GNAO1: variants seen among roughly 807,000 people sequenced by gnomAD.
The protein encoded by GNAO1 is guanine nucleotide-binding protein G(o) subunit alpha.
For missense variants in GNAO1, 166 were observed against 478.7 expected (o/e 0.35, Z 6.10); for synonymous variants, 164 against 180.7 (o/e 0.91, Z 0.74).
chr16:56,332,320 G>A (rs538467802), intron 4 of GNAO1, among the ~76,000 whole-genome samples: 2 of 152,134 alleles, frequency 1.3e-5, no homozygotes, highest in African/African-American at 4.8e-5. Context: ...GCCCCTCCAC[G>A]TGTGCTTCCT....
chr16:56,275,934 C>T lies in GNAO1; in HGVS notation c.165C>T (p.Ile55=). The T allele has an allele frequency of 1.2e-6, 2 of 1,612,342 alleles. No homozygotes were observed. Among genetic ancestry groups the T allele is most frequent in the Non-Finnish European group, 1.7e-6 (2 of 1,179,056 alleles). The change falls in exon 3 of 9, where the codon ATC becomes ATT. Residue 55 remains isoleucine (I), a synonymous_variant. Coordinates refer to ENST00000262493, the MANE Select transcript of GNAO1 (RefSeq NM_020988.3). ...GGTGTGTGTGGTTTTTCTCTAGGAT[C>T]ATCCATGAAGATGGCTTCTCCGGAG... ...GKSTIVKQMK[I]IHEDGFSGED... is the part of the protein sequence containing the mutation.
rs1335342746 is a variant in GNAO1 at position 56,214,766 on chromosome 16, C to T, written c.161+22150C>T. The stretch of plus-strand genomic sequence containing the variant: ...CTGTCCCTCTGTCCCAACCCCAAGC[C>T]TGTGAGCTGTCCACAATTCTCACTT... On this transcript the variant is annotated intron_variant, in intron 2 of 8. Transcript: ENST00000262493. Among the ~76,000 whole-genome samples, 5 of 152,364 alleles carry T rather than the reference C, an allele frequency of 3.3e-5. No homozygotes were observed. The East Asian group carries it at 9.6e-4, about 29-fold the overall frequency.
At chr16:56,288,484 G>A (rs1226245150) in intron 3 of GNAO1, among the ~76,000 whole-genome samples, 1 of 152,198 alleles carries the variant, frequency 6.6e-6, no homozygotes, top group Non-Finnish European at 1.5e-5. Context: ...TTGGGCTCCT[G>A]GCTGTAGAAG....
chr16:56,331,328 G>A (rs1445768124), intron 4 of GNAO1, among the ~76,000 whole-genome samples: 1 of 152,206 alleles, frequency 6.6e-6, no homozygotes, highest in Non-Finnish European at 1.5e-5. Context: ...GGCTGTGAAA[G>A]GTGCTCTGGG....
At chr16:56,218,131 G>A (rs2036451931) in intron 2 of GNAO1, among the ~76,000 whole-genome samples, 1 of 152,204 alleles carries the variant, frequency 6.6e-6, no homozygotes, top group Admixed American at 6.5e-5. Flanking sequence ...GCTGTGCCTA[G>A]CCCCAGGTGG....
At chr16:56,222,475 A>G (rs1285951035) in intron 2 of GNAO1, among the ~76,000 whole-genome samples, 2 of 152,184 alleles carry the variant, frequency 1.3e-5, no homozygotes, top group Non-Finnish European at 2.9e-5. Context: ...ACATGATGTG[A>G]TAACCTAGAT....
chr16:56,298,520 A>G (rs1302317717), intron 3 of GNAO1, among the ~76,000 whole-genome samples: 2 of 152,206 alleles, frequency 1.3e-5, no homozygotes, highest in African/African-American at 4.8e-5. Context: ...TAATAGTGAT[A>G]TGCTTATTTT....
At chr16:56,199,385 G>A (rs2036261887) in intron 2 of GNAO1, among the ~76,000 whole-genome samples, 1 of 152,170 alleles carries the variant, frequency 6.6e-6, no homozygotes, top group Non-Finnish European at 1.5e-5. Flanking sequence ...GATGTTTCTG[G>A]GAGGAGAGAG....
chr16:56,313,838 C>T (rs570237363), intron 3 of GNAO1, among the ~76,000 whole-genome samples: 1 of 152,320 alleles, frequency 6.6e-6, no homozygotes, highest in East Asian at 1.9e-4. Context: ...CCTCCCACCT[C>T]AGCCTCCCCA....
chr16:56,231,400 T>TTAA (rs1272644808), intron 2 of GNAO1, among the ~76,000 whole-genome samples: 15 of 152,244 alleles, frequency 9.9e-5, no homozygotes, highest in African/African-American at 3.6e-4. Flanking sequence ...CACGCTCTGC[T>TTAA]TAATTCTTCA....
chr16:56,269,943 C>T (rs1045247291), intron 2 of GNAO1, among the ~76,000 whole-genome samples: 1 of 152,176 alleles, frequency 6.6e-6, no homozygotes, highest in South Asian at 2.1e-4. Context: ...ATAAGGCCAG[C>T]ATGCCTGGGG....
At position 56,342,121 on chromosome 16, in the gene GNAO1, T is replaced by C. The variant is rs181100078; in HGVS notation, c.723+5261T>C. On this transcript the variant is annotated intron_variant, in intron 6 of 8. Coordinates refer to ENST00000262493, the MANE Select transcript of GNAO1 (RefSeq NM_020988.3). The stretch of plus-strand genomic sequence containing the variant: ...AGCCAGCTTCCTCTCTAGCCATAGT[T>C]GAGGGCCTGTGGATCCTGCCCTAGT... Among the ~76,000 whole-genome samples the C allele has an allele frequency of 3.8e-4, 58 of 152,296 alleles. 1 individual carries two copies. In the East Asian group the frequency reaches 9.9e-3, roughly 26 times the overall value.
At chr16:56,290,219 G>C (rs1337432681) in intron 3 of GNAO1, among the ~76,000 whole-genome samples, 1 of 152,128 alleles carries the variant, frequency 6.6e-6, no homozygotes, top group Admixed American at 6.5e-5. Flanking sequence ...TCTCCGAATA[G>C]GCTGGGCCTC....
At chr16:56,256,706 CTCTCTCTCTCTCTG>C (rs1416657408) in intron 2 of GNAO1, among the ~76,000 whole-genome samples, 2 of 118,760 alleles carry the variant, frequency 1.7e-5, no homozygotes, top group African/African-American at 6.7e-5. Flanking sequence ...CTCTCTCTCT[CTCTCTCTCTCTCTG>C]TGTGTGTGTG....
chr16:56,271,500 C>T (rs2037018022), intron 2 of GNAO1, among the ~76,000 whole-genome samples: 1 of 152,192 alleles, frequency 6.6e-6, no homozygotes, highest in Non-Finnish European at 1.5e-5. Context: ...GTCGCCCAGG[C>T]TGGAGTGCAG....
intron 3 of GNAO1, among the ~76,000 whole-genome samples, chr16:56,306,373 G>T (rs1049129144): frequency 6.6e-6 from 1 of 152,322 alleles, no homozygotes; most frequent in East Asian, 1.9e-4. Context: ...TGGCCAGGGC[G>T]CAGGAGAGCT....
chr16:56,294,078 G>A (rs569277200), intron 3 of GNAO1, among the ~76,000 whole-genome samples: 11 of 152,256 alleles, frequency 7.2e-5, no homozygotes, highest in Admixed American at 6.5e-5. Context: ...AGGTTAAGTC[G>A]CTTGCCCAAC....
At chr16:56,273,235 C>G (rs1167920701) in intron 2 of GNAO1, among the ~76,000 whole-genome samples, 1 of 152,104 alleles carries the variant, frequency 6.6e-6, no homozygotes, top group Non-Finnish European at 1.5e-5. Context: ...CTTCTTCCCT[C>G]TCTTTGTTTC....
intron 2 of GNAO1, among the ~76,000 whole-genome samples, chr16:56,202,421 T>G (rs2036289237): frequency 6.6e-6 from 1 of 151,932 alleles, no homozygotes; most frequent in Non-Finnish European, 1.5e-5. Context: ...GAGTGAGAGG[T>G]AGGGAGGGAG....
Sources: gnomAD v4.1 joint callset for allele counts (sites outside exome capture counted in the v4.1 genomes callset) on GRCh38, gnomAD v4.1.1 for gene constraint, MANE v1.5 for transcripts, NCBI Gene and HGNC (gene_info 2026-07-23, HGNC 2026-07-21) for gene names.